The following COL26A1 variants were observed in gnomAD, a reference collection of about 807,000 sequenced individuals.
The protein encoded by COL26A1 is collagen type XXVI alpha 1 chain.
In COL26A1, 41 loss-of-function variants were observed where a neutral mutation model predicts 59.3. That is an observed-to-expected ratio of 0.69 (90% CI 0.54 to 0.90). The LOEUF (loss-of-function observed/expected upper bound fraction) is 0.90, where lower values mean the gene tolerates loss of function less well. COL26A1 is among the 40% of genes least tolerant of loss of function. The pLI, the probability that COL26A1 is intolerant of heterozygous loss-of-function variation, is 0.00. For synonymous variants in COL26A1, 266 were observed against 256.0 expected (o/e 1.04, Z -0.37); for missense variants, 612 against 602.3 (o/e 1.02, Z -0.17).
intron 9 of COL26A1, 37 bp from the exon 10 acceptor site, chr7:101,551,071 C>T (rs1482137205): frequency 7.1e-6 from 11 of 1,551,410 alleles, no homozygotes; most frequent in Non-Finnish European, 9.6e-6. Context: ...TTGGCCAGGA[C>T]CGGCAGGCCT....
chr7:101,465,719 A>T (rs987747547), intron 3 of COL26A1, among the ~76,000 whole-genome samples: 5 of 151,484 alleles, frequency 3.3e-5, no homozygotes, highest in Admixed American at 1.3e-4. Context: ...AAAAGAAAAG[A>T]AAAAGAAACA....
intron 3 of COL26A1, among the ~76,000 whole-genome samples, chr7:101,470,476 A>AT (rs1227261542): frequency 4.6e-5 from 7 of 151,448 alleles, no homozygotes; most frequent in Admixed American, 4.6e-4. Flanking sequence ...CTGCTGCTTG[A>AT]TTTTTCAGGC....
At chr7:101,520,660 A>ACACC (rs989426786) in intron 3 of COL26A1, among the ~76,000 whole-genome samples, 2 of 141,622 alleles carry the variant, frequency 1.4e-5, no homozygotes, top group Non-Finnish European at 3.2e-5. Flanking sequence ...ACACACACAC[A>ACACC]CACCCCCGTG....
chr7:101,387,838 C>T (rs1484179362), intron 1 of COL26A1, among the ~76,000 whole-genome samples: 3 of 144,860 alleles, frequency 2.1e-5, no homozygotes, highest in East Asian at 2.0e-4. Flanking sequence ...GGTGCAATCT[C>T]GACTCACTGC....
At chr7:101,535,656 G>C (rs1330521038) in intron 4 of COL26A1, among the ~76,000 whole-genome samples, 1 of 152,184 alleles carries the variant, frequency 6.6e-6, no homozygotes, top group African/African-American at 2.4e-5. Flanking sequence ...TCGAGGGCTG[G>C]AGGGAGGGAC....
rs57638079 is a variant in COL26A1 at position 101,554,567 on chromosome 7, T to TA, written c.1081-1197dup. Among the ~76,000 whole-genome samples, 322 of 120,476 alleles carry TA rather than the reference T, an allele frequency of 2.7e-3. 2 individuals are homozygous for TA. Among genetic ancestry groups the TA allele is most frequent in the Admixed American group, 6.4e-3 (68 of 10,556 alleles). The allele number at this position is 120,476 out of a possible 152,430, so 79.0% of individuals were successfully genotyped here. On this transcript the variant is annotated intron_variant, in intron 11 of 12. Coordinates refer to ENST00000313669, the MANE Select transcript of COL26A1 (RefSeq NM_001278563.3). ...GGAAACCTAGCGAGACCCCATTTCT[T>TA]AAAAAAAAAAAAAAAAAAAAAAAGT... is the stretch of plus-strand genomic sequence containing the variant.
chr7:101,550,774 T>G (rs1244516032), intron 9 of COL26A1, among the ~76,000 whole-genome samples: 2 of 152,126 alleles, frequency 1.3e-5, no homozygotes, highest in Non-Finnish European at 2.9e-5. Context: ...TCAGCACACG[T>G]GGGACCCTGG....
intron 1 of COL26A1, among the ~76,000 whole-genome samples, chr7:101,405,475 C>T (rs920043242): frequency 5.3e-5 from 8 of 152,084 alleles, no homozygotes; most frequent in Admixed American, 4.6e-4. Context: ...GGACTACAGA[C>T]ACAAGCCACC....
At chr7:101,397,593 A>G (rs576109139) in intron 1 of COL26A1, among the ~76,000 whole-genome samples, 53 of 143,742 alleles carry the variant, frequency 3.7e-4, no homozygotes, top group African/African-American at 1.3e-3. Flanking sequence ...GTGATGTGCA[A>G]TGGTGGGGTC....
At chr7:101,398,400 C>T (rs74797775) in intron 1 of COL26A1, among the ~76,000 whole-genome samples, 3,137 of 152,248 alleles carry the variant, frequency 0.021, 47 homozygotes, top group Non-Finnish European at 0.029. Context: ...CCTCTCCCTC[C>T]GCCCATAAAG....
At chr7:101,382,280 C>A (rs1052017135) in intron 1 of COL26A1, among the ~76,000 whole-genome samples, 3 of 152,108 alleles carry the variant, frequency 2.0e-5, no homozygotes, top group African/African-American at 4.8e-5. Flanking sequence ...AATTCCTGGC[C>A]TCAAGCAATT....
intron 3 of COL26A1, among the ~76,000 whole-genome samples, chr7:101,497,947 G>A (rs117459961): frequency 0.027 from 4,095 of 152,136 alleles, 72 homozygotes; most frequent in South Asian, 0.062. Context: ...TTGCACCACC[G>A]CGCTCTAGCC....
intron 3 of COL26A1, among the ~76,000 whole-genome samples, chr7:101,471,230 C>T (rs1158864795): frequency 6.6e-6 from 1 of 152,114 alleles, no homozygotes. Context: ...TGCAATTAAG[C>T]ATAAGGGCTT....
chr7:101,363,409 C>T (rs1352349299), intron 1 of COL26A1, among the ~76,000 whole-genome samples: 1 of 70,150 alleles, frequency 1.4e-5, no homozygotes. Flanking sequence ...CCTGGGGGCG[C>T]GGGGTGGCGG....
intron 3 of COL26A1, among the ~76,000 whole-genome samples, chr7:101,466,127 G>A (rs892070038): frequency 1.3e-5 from 2 of 151,996 alleles, no homozygotes; most frequent in Non-Finnish European, 1.5e-5. Context: ...CTTGGAGAGT[G>A]GAAAGGCCAC....
At chr7:101,387,778 A>ATTTTTTTTTTTTTTT (rs1554404085) in intron 1 of COL26A1, among the ~76,000 whole-genome samples, 4 of 84,808 alleles carry the variant, frequency 4.7e-5, no homozygotes, top group Non-Finnish European at 6.5e-5. Context: ...ATATATATAT[A>ATTTTTTTTTTTTTTT]TTTTTTTTTA....
intron 8 of COL26A1, among the ~76,000 whole-genome samples, chr7:101,547,704 C>T (rs1795767246): frequency 6.6e-6 from 1 of 152,062 alleles, no homozygotes; most frequent in Admixed American, 6.5e-5. Context: ...GGAAGGGAGT[C>T]ATTCATTCAT....
chr7:101,439,428 C>T (rs993616925), intron 2 of COL26A1, among the ~76,000 whole-genome samples: 1 of 151,946 alleles, frequency 6.6e-6, no homozygotes, highest in African/African-American at 2.4e-5. Flanking sequence ...GTGGTGCGCA[C>T]CTGTAATCCC....
chr7:101,551,192 T>G, intron 10 of COL26A1, 49 bp downstream of exon 10: 3 of 1,378,290 alleles, frequency 2.2e-6, no homozygotes, highest in Non-Finnish European at 2.0e-6. Flanking sequence ...AGGCAGAGGC[T>G]CTGATGCAAG....
Sources: gnomAD v4.1 joint callset for allele counts (sites outside exome capture counted in the v4.1 genomes callset) on GRCh38, gnomAD v4.1.1 for gene constraint, MANE v1.5 for transcripts, NCBI Gene and HGNC (gene_info 2026-07-23, HGNC 2026-07-21) for gene names.